Variants in ST8SIA1 observed in about 807,000 individuals in gnomAD.
ST8SIA1 encodes ST8 alpha-N-acetyl-neuraminide alpha-2,8-sialyltransferase 1.
ST8SIA1 carries 16 observed loss-of-function variants against 35.9 expected under a neutral mutation model. That is an observed-to-expected ratio of 0.45 (90% CI 0.30 to 0.68). The LOEUF is 0.68. Among genes scored for constraint, ST8SIA1 ranks in the 30% least tolerant of loss-of-function variants. The pLI is 0.09. For synonymous variants in ST8SIA1, 170 were observed against 169.6 expected (o/e 1.00, Z -0.02); for missense variants, 383 against 453.6 (o/e 0.84, Z 1.41).
At chr12:22,309,045 G>C (rs1179811102) in intron 1 of ST8SIA1, among the ~76,000 whole-genome samples, 1 of 152,100 alleles carries the variant, frequency 6.6e-6, no homozygotes, top group Non-Finnish European at 1.5e-5. Context: ...AAAGAGAACA[G>C]ACCTACGATG....
chr12:22,250,020 A>C (rs1381817898), intron 3 of ST8SIA1, among the ~76,000 whole-genome samples: 3 of 152,144 alleles, frequency 2.0e-5, no homozygotes, highest in Non-Finnish European at 4.4e-5. Context: ...CATCCAAAGA[A>C]ATGCAGTGAT....
chr12:22,330,095 T>C (rs1457135788), intron 1 of ST8SIA1, among the ~76,000 whole-genome samples: 1 of 152,168 alleles, frequency 6.6e-6, no homozygotes, highest in Non-Finnish European at 1.5e-5. Context: ...TCCAAATCTC[T>C]CCGCCTTGAT....
chr12:22,329,719 A>G (rs1430866846), intron 1 of ST8SIA1, among the ~76,000 whole-genome samples: 1 of 152,232 alleles, frequency 6.6e-6, no homozygotes, highest in Non-Finnish European at 1.5e-5. Flanking sequence ...AGGGAAATAA[A>G]GAGGCCACAT....
chr12:22,297,680 T>C (rs1591848230), intron 1 of ST8SIA1, among the ~76,000 whole-genome samples: 1 of 152,250 alleles, frequency 6.6e-6, no homozygotes, highest in African/African-American at 2.4e-5. Flanking sequence ...TGTCATCCAC[T>C]TTCCATTAAG....
chr12:22,319,991 G>A (rs1866565819), intron 1 of ST8SIA1, among the ~76,000 whole-genome samples: 1 of 152,196 alleles, frequency 6.6e-6, no homozygotes, highest in Non-Finnish European at 1.5e-5. Flanking sequence ...CATCTCATTT[G>A]TAATGGGAAA....
chr12:22,210,566 C>T (rs1482301056), intron 4 of ST8SIA1, among the ~76,000 whole-genome samples: 1 of 152,170 alleles, frequency 6.6e-6, no homozygotes, highest in Non-Finnish European at 1.5e-5. Flanking sequence ...CCCCACAAGA[C>T]ACCCTTCAAC....
At chr12:22,325,735 T>A in intron 1 of ST8SIA1, 4 of 626,272 alleles carry the variant, frequency 6.4e-6, no homozygotes, top group Non-Finnish European at 1.1e-5. Context: ...ATTTATAAAT[T>A]AGGCACAGTA....
chr12:22,314,382 G>A (rs1009480166), intron 1 of ST8SIA1, among the ~76,000 whole-genome samples: 1 of 152,118 alleles, frequency 6.6e-6, no homozygotes, highest in African/African-American at 2.4e-5. Flanking sequence ...CCATCATGGT[G>A]ATAGCTTTAA....
intron 4 of ST8SIA1, among the ~76,000 whole-genome samples, chr12:22,227,264 C>T (rs1245826109): frequency 3.3e-5 from 5 of 151,750 alleles, no homozygotes; most frequent in Non-Finnish European, 7.4e-5. Context: ...GTCTTTAAGT[C>T]ACATTTTCTG....
chr12:22,250,119 C>T (rs1203299068), intron 3 of ST8SIA1, among the ~76,000 whole-genome samples: 1 of 152,170 alleles, frequency 6.6e-6, no homozygotes, highest in Non-Finnish European at 1.5e-5. Context: ...CCCAAAACCC[C>T]ACCCTGCCCC....
At chr12:22,225,997 A>G (rs1455574646) in intron 4 of ST8SIA1, among the ~76,000 whole-genome samples, 1 of 152,140 alleles carries the variant, frequency 6.6e-6, no homozygotes, top group Non-Finnish European at 1.5e-5. Context: ...ATTTACCAGC[A>G]CACCGTTTCA....
chr12:22,242,109 A>G (rs1408164686), intron 4 of ST8SIA1, among the ~76,000 whole-genome samples: 3 of 152,226 alleles, frequency 2.0e-5, no homozygotes, highest in Non-Finnish European at 4.4e-5. Context: ...AACATTTCCA[A>G]AATACATACC....
chr12:22,282,928 A>C (rs961546204), intron 2 of ST8SIA1, among the ~76,000 whole-genome samples: 1 of 152,222 alleles, frequency 6.6e-6, no homozygotes, highest in East Asian at 1.9e-4. Flanking sequence ...AGAAAAAAAA[A>C]TTGCTGTGAA....
chr12:22,264,375 G>A (rs75116634), intron 2 of ST8SIA1, among the ~76,000 whole-genome samples: 1,827 of 152,234 alleles, frequency 0.012, 32 homozygotes, highest in African/African-American at 0.042. Context: ...TATTACTTCA[G>A]TTAAGGACTG....
intron 3 of ST8SIA1, among the ~76,000 whole-genome samples, chr12:22,252,235 C>T (rs1259999391): frequency 6.6e-6 from 1 of 152,174 alleles, no homozygotes; most frequent in Non-Finnish European, 1.5e-5. Context: ...TGTGTACAGG[C>T]AGTGCTATTT....
chr12:22,215,801 A>G (rs547804362), intron 4 of ST8SIA1, among the ~76,000 whole-genome samples: 2 of 152,236 alleles, frequency 1.3e-5, no homozygotes, highest in South Asian at 4.1e-4. Context: ...TTACCTTTCC[A>G]TCTATCTATT....
At chr12:22,325,622 T>C (rs543475876) in intron 1 of ST8SIA1, 5 of 624,866 alleles carry the variant, frequency 8.0e-6, no homozygotes, top group African/African-American at 5.5e-5. Context: ...GGAGGATACA[T>C]TCCAAGACCC....
At chr12:22,309,319 C>T (rs967143182) in intron 1 of ST8SIA1, among the ~76,000 whole-genome samples, 5 of 152,130 alleles carry the variant, frequency 3.3e-5, no homozygotes, top group East Asian at 1.9e-4. Context: ...ATCCATCTGA[C>T]GCTGCCCCTC....
intron 4 of ST8SIA1, among the ~76,000 whole-genome samples, chr12:22,217,111 T>G (rs558052755): frequency 1.8e-4 from 28 of 152,166 alleles, no homozygotes; most frequent in Non-Finnish European, 3.8e-4. Context: ...CACACAACCA[T>G]TTTTAATATC....
Sources: gnomAD v4.1 joint callset for allele counts (sites outside exome capture counted in the v4.1 genomes callset) on GRCh38, gnomAD v4.1.1 for gene constraint, MANE v1.5 for transcripts, NCBI Gene and HGNC (gene_info 2026-07-23, HGNC 2026-07-21) for gene names.